TTC28: variants seen among roughly 807,000 people sequenced by gnomAD.
TTC28 encodes tetratricopeptide repeat domain 28.
TTC28 carries 61 observed loss-of-function variants against 198.0 expected under a neutral mutation model. That is an observed-to-expected ratio of 0.31 (90% confidence interval 0.25 to 0.38). The LOEUF (loss-of-function observed/expected upper bound fraction) is 0.38. TTC28 is among the 10% of genes least tolerant of loss of function. TTC28 has a pLI of 1.00. For missense variants in TTC28, 2,678 were observed against 3,164.0 expected (o/e 0.85, Z 3.69); for synonymous variants, 1,171 against 1,297.8 (o/e 0.90, Z 2.10).
At chr22:28,430,366 T>C (rs559224360) in intron 2 of TTC28, among the ~76,000 whole-genome samples, 2 of 152,294 alleles carry the variant, frequency 1.3e-5, no homozygotes, top group Non-Finnish European at 2.9e-5. Flanking sequence ...GGAGAGATTG[T>C]TGCTCTGTGA....
intron 6 of TTC28, among the ~76,000 whole-genome samples, chr22:28,151,157 C>T (rs1943599250): frequency 6.6e-6 from 1 of 152,212 alleles, no homozygotes; most frequent in Non-Finnish European, 1.5e-5. Flanking sequence ...TGTTTTCCTC[C>T]TGATCACCTT....
At position 28,642,448 on chromosome 22, in the gene TTC28, C is replaced by CA. The variant is rs771754086; in HGVS notation, c.103-12619dup. Among the ~76,000 whole-genome samples the CA allele has an allele frequency of 3.1e-3, 444 of 142,510 alleles. 1 individual carries two copies. Among genetic ancestry groups the CA allele is most frequent in the Non-Finnish European group, 3.9e-3 (255 of 64,620 alleles). 93.5% of individuals were successfully genotyped at this position (142,510 alleles called of 152,430 possible). ...GTTTGCCGTTTAAAAAAAAAAACAACAAAAAAAAAACACTAGCTTCGCCTG... is the reference window on the plus strand; with the variant it reads ...GTTTGCCGTTTAAAAAAAAAAACAACAAAAAAAAAAACACTAGCTTCGCCTG... On this transcript the variant is annotated intron_variant, in intron 1 of 22. Coordinates refer to ENST00000397906, the MANE Select transcript of TTC28 (RefSeq NM_001145418.2).
chr22:28,265,896 A>T (rs5762540), intron 5 of TTC28, among the ~76,000 whole-genome samples: 10,114 of 152,208 alleles, frequency 0.066, 462 homozygotes, highest in Middle Eastern at 0.16. Context: ...CAATTATTTT[A>T]AAAGTTTCTG....
chr22:28,450,958 C>G (rs1025495967), intron 2 of TTC28, among the ~76,000 whole-genome samples: 8 of 152,158 alleles, frequency 5.3e-5, no homozygotes, highest in African/African-American at 1.9e-4. Context: ...GGATCCCAAA[C>G]AGAGCACGAG....
intron 2 of TTC28, among the ~76,000 whole-genome samples, chr22:28,390,316 T>G (rs2046694778): frequency 6.6e-6 from 1 of 152,162 alleles, no homozygotes; most frequent in South Asian, 2.1e-4. Context: ...AAATGCATAT[T>G]CTGTTGATTT....
chr22:28,442,853 T>G (rs925022077), intron 2 of TTC28: 6 of 152,358 alleles, frequency 3.9e-5, no homozygotes, highest in African/African-American at 1.4e-4. Context: ...GGGTTGGGCT[T>G]TGGGGCCCCA....
chr22:27,989,745 C>T, intron 21 of TTC28, 133 bp downstream of exon 21: 1 of 1,223,966 alleles, frequency 8.2e-7, no homozygotes, highest in Non-Finnish European at 1.1e-6. Context: ...CTGTACCCAG[C>T]CTGAGTTAAC....
chr22:28,088,179 C>T (rs574255714), intron 12 of TTC28, among the ~76,000 whole-genome samples: 39 of 151,932 alleles, frequency 2.6e-4, no homozygotes, highest in Middle Eastern at 3.2e-3. Context: ...GTTCATATGG[C>T]ACCAAAAAAG....
At chr22:28,006,905 A>G (rs2146564911) in intron 14 of TTC28, 1 of 152,280 alleles carries the variant, frequency 6.6e-6, no homozygotes, top group Admixed American at 6.5e-5. Context: ...GCGTATCGCC[A>G]AGGTTAGAGG....
At chr22:28,466,624 T>A (rs1233127287) in intron 2 of TTC28, among the ~76,000 whole-genome samples, 1 of 152,184 alleles carries the variant, frequency 6.6e-6, no homozygotes, top group African/African-American at 2.4e-5. Context: ...AATTTGCTCA[T>A]ATAAATGCAT....
chr22:28,437,473 C>T (rs1186557660), intron 2 of TTC28, among the ~76,000 whole-genome samples: 1 of 152,140 alleles, frequency 6.6e-6, no homozygotes, highest in East Asian at 1.9e-4. Context: ...CCCCTCTCAC[C>T]CCAGCCCAGT....
intron 2 of TTC28, among the ~76,000 whole-genome samples, chr22:28,307,749 A>G (rs1216570291): frequency 6.6e-6 from 1 of 152,200 alleles, no homozygotes; most frequent in Non-Finnish European, 1.5e-5. Context: ...TTGGTCTCCT[A>G]TTCAACTGAA....
chr22:28,350,818 A>G (rs953838539), intron 2 of TTC28, among the ~76,000 whole-genome samples: 1 of 152,210 alleles, frequency 6.6e-6, no homozygotes, highest in Non-Finnish European at 1.5e-5. Context: ...GTGCCAATCT[A>G]TGCACACATA....
chr22:28,651,311 C>CTTTTT (rs111469498), intron 1 of TTC28, among the ~76,000 whole-genome samples: 17 of 147,546 alleles, frequency 1.2e-4, no homozygotes, highest in African/African-American at 2.5e-4. Context: ...TCTGTCACTC[C>CTTTTT]TTTTTTTTGA....
Position 27,981,461 on chromosome 22 carries a change from C to T in TTC28, c.*760G>A, listed in dbSNP as rs1937020110. 1.3e-5 allele frequency: 2 copies of T among 151,706 alleles called. No individual in the cohort carries two copies. Among genetic ancestry groups the T allele is most frequent in the Non-Finnish European group, 2.9e-5 (2 of 67,942 alleles). 9.4% of individuals were successfully genotyped at this position (151,706 alleles called of 1,614,324 possible). A position where few individuals can be genotyped will look rare whatever the true frequency, so the allele number is the denominator to read the frequency against. On this transcript the variant is annotated 3_prime_UTR_variant, in exon 23 of 23. Transcript: ENST00000397906. ...AAAAAGGTCAATAATGTTTTAAAAG[C>T]ACAAAGTTGCATTTTAAATCACAAT...
chr22:28,670,952 G>A (rs748823706), intron 1 of TTC28, among the ~76,000 whole-genome samples: 1 of 151,982 alleles, frequency 6.6e-6, no homozygotes, highest in South Asian at 2.1e-4. Context: ...GATGACTAAC[G>A]ATGTTGCATA....
intron 6 of TTC28, among the ~76,000 whole-genome samples, chr22:28,159,633 T>C (rs1455822097): frequency 7.1e-6 from 1 of 140,710 alleles, no homozygotes; most frequent in East Asian, 2.1e-4. Context: ...CATTCCAGCC[T>C]GGGTGACAAA....
At chr22:28,304,495 T>C (rs1461397799) in intron 3 of TTC28, among the ~76,000 whole-genome samples, 5 of 152,040 alleles carry the variant, frequency 3.3e-5, no homozygotes, top group Admixed American at 3.3e-4. Context: ...TTAAATTGCC[T>C]TAAGGGAAGA....
At chr22:28,092,628 A>G (rs889934637) in intron 12 of TTC28, among the ~76,000 whole-genome samples, 3 of 152,088 alleles carry the variant, frequency 2.0e-5, no homozygotes, top group Non-Finnish European at 2.9e-5. Context: ...TGGTCAGGTT[A>G]TAGTCTAATC....
Sources: allele counts gnomAD v4.1 joint callset (sites outside exome capture counted in the v4.1 genomes callset), GRCh38; gene constraint gnomAD v4.1.1; transcripts MANE v1.5; gene names NCBI Gene and HGNC (gene_info 2026-07-23, HGNC 2026-07-21).